Variants in ARHGAP32 observed in about 807,000 individuals in gnomAD.
ARHGAP32 encodes Rho GTPase activating protein 32.
Under a neutral mutation model 186.5 loss-of-function variants are expected in ARHGAP32, and 51 were observed. That is an observed-to-expected ratio of 0.27 (90% CI 0.22 to 0.35). The LOEUF (loss-of-function observed/expected upper bound fraction) is 0.35, where lower values mean the gene tolerates loss of function less well. ARHGAP32 is among the 10% of genes least tolerant of loss of function. The pLI is 1.00. For missense variants in ARHGAP32, 2,186 were observed against 2,623.5 expected (o/e 0.83, Z 3.64); for synonymous variants, 950 against 964.3 (o/e 0.99, Z 0.27).
At chr11:128,971,482 A>C in intron 22 of ARHGAP32, 1 of 259,660 alleles carries the variant, frequency 3.9e-6, no homozygotes, top group Non-Finnish European at 7.3e-6. Flanking sequence ...TGTAGAGCTT[A>C]AAAATACATA....
chr11:129,004,924 T>C (rs1354909968), intron 11 of ARHGAP32, among the ~76,000 whole-genome samples: 1 of 152,160 alleles, frequency 6.6e-6, no homozygotes, highest in Non-Finnish European at 1.5e-5. Context: ...TGTTTACTGG[T>C]AGTTTTGTGG....
At chr11:129,040,123 GT>G (rs199720926) in intron 11 of ARHGAP32, among the ~76,000 whole-genome samples, 14 of 149,286 alleles carry the variant, frequency 9.4e-5, no homozygotes, top group Admixed American at 2.0e-4. Flanking sequence ...AAGAATAACT[GT>G]TTTTTTTTTC....
At chr11:129,242,115 G>T (rs941523352) in intron 1 of ARHGAP32, among the ~76,000 whole-genome samples, 4 of 152,116 alleles carry the variant, frequency 2.6e-5, no homozygotes, top group African/African-American at 7.2e-5. Flanking sequence ...TTATTCTAAA[G>T]GAATGTTTAT....
intron 11 of ARHGAP32, among the ~76,000 whole-genome samples, chr11:129,002,151 T>C (rs1437244032): frequency 6.6e-6 from 1 of 152,224 alleles, no homozygotes; most frequent in Non-Finnish European, 1.5e-5. Context: ...GGTATTTTGA[T>C]AGGAATTGCA....
intron 10 of ARHGAP32, 74 bp downstream of exon 10, chr11:129,062,206 G>A (rs1374519606): frequency 1.5e-6 from 2 of 1,309,388 alleles, no homozygotes; most frequent in East Asian, 2.3e-5. Flanking sequence ...ACCAGCACAT[G>A]TAAACAAAAG....
At chr11:129,131,895 C>T (rs1942818418) in intron 2 of ARHGAP32, among the ~76,000 whole-genome samples, 2 of 152,132 alleles carry the variant, frequency 1.3e-5, no homozygotes. Context: ...CTGACAGCAG[C>T]CCAAATCAGG....
chr11:128,973,676 G>C (rs1286411957), intron 21 of ARHGAP32: 14 of 555,996 alleles, frequency 2.5e-5, no homozygotes, highest in South Asian at 2.0e-4. Context: ...GAGATGGGGG[G>C]GAAAAAAAGC....
At chr11:129,159,273 T>C (rs1164671954) in intron 2 of ARHGAP32, among the ~76,000 whole-genome samples, 3 of 152,032 alleles carry the variant, frequency 2.0e-5, no homozygotes, top group African/African-American at 7.2e-5. Context: ...AGCTAGTTTC[T>C]TGAAAAGATT....
chr11:129,120,404 T>G (rs1565431877), intron 5 of ARHGAP32, among the ~76,000 whole-genome samples: 1 of 152,048 alleles, frequency 6.6e-6, no homozygotes, highest in Non-Finnish European at 1.5e-5. Flanking sequence ...GGAAGTCAGT[T>G]GGATATACAA....
At chr11:129,098,874 A>G (rs1941811376) in intron 5 of ARHGAP32, among the ~76,000 whole-genome samples, 1 of 152,208 alleles carries the variant, frequency 6.6e-6, no homozygotes, top group African/African-American at 2.4e-5. Context: ...CTATGTTAAT[A>G]AATTTAAACT....
intron 1 of ARHGAP32, among the ~76,000 whole-genome samples, chr11:129,171,693 T>C (rs1472349066): frequency 6.6e-6 from 1 of 152,224 alleles, no homozygotes. Context: ...AATAGTTTTT[T>C]CTAATTCTGT....
chr11:129,147,196 G>A (rs1048726306), intron 2 of ARHGAP32, among the ~76,000 whole-genome samples: 1 of 151,978 alleles, frequency 6.6e-6, no homozygotes, highest in Non-Finnish European at 1.5e-5. Flanking sequence ...AAATTAATAA[G>A]AGTATAAAAT....
At chr11:128,985,159 T>C (rs1178176614) in intron 15 of ARHGAP32, among the ~76,000 whole-genome samples, 1 of 152,090 alleles carries the variant, frequency 6.6e-6, no homozygotes. Context: ...GCTGGGATTA[T>C]AGGCGCGTGC....
chr11:129,053,842 C>T (rs903911430), intron 10 of ARHGAP32, among the ~76,000 whole-genome samples: 2 of 152,094 alleles, frequency 1.3e-5, no homozygotes, highest in African/African-American at 4.8e-5. Context: ...CATTACTTAA[C>T]TGGAGAGTAA....
intron 5 of ARHGAP32, among the ~76,000 whole-genome samples, chr11:129,116,611 GA>G (rs761381999): frequency 7.9e-5 from 12 of 152,020 alleles, no homozygotes; most frequent in Non-Finnish European, 1.6e-4. Context: ...TTCTGTATAA[GA>G]TTTTTTTAAA....
At chr11:128,978,666 G>T in intron 19 of ARHGAP32, 104 bp downstream of exon 19, 4 of 1,205,090 alleles carry the variant, frequency 3.3e-6, no homozygotes, top group Non-Finnish European at 4.5e-6. Context: ...ACACAACTGT[G>T]AACACGTTAT....
At chr11:129,268,961 A>C (rs933998512) in intron 1 of ARHGAP32, among the ~76,000 whole-genome samples, 1 of 152,226 alleles carries the variant, frequency 6.6e-6, no homozygotes, top group Non-Finnish European at 1.5e-5. Flanking sequence ...AGTAGCTCAG[A>C]GAGAGGGGGG....
At chr11:129,224,043 C>T (rs1036650209) in intron 1 of ARHGAP32, among the ~76,000 whole-genome samples, 5 of 152,088 alleles carry the variant, frequency 3.3e-5, no homozygotes, top group South Asian at 2.1e-4. Flanking sequence ...ATGGTGATGA[C>T]GAAATAATGA....
intron 10 of ARHGAP32, among the ~76,000 whole-genome samples, chr11:129,044,839 G>A (rs1784020): frequency 0.14 from 21,196 of 151,074 alleles, 1,579 homozygotes; most frequent in Middle Eastern, 0.16. Flanking sequence ...ACCTCAAAGA[G>A]TTTATGTGAA....
Sources: gnomAD v4.1 joint callset for allele counts (sites outside exome capture counted in the v4.1 genomes callset) on GRCh38, gnomAD v4.1.1 for gene constraint, MANE v1.5 for transcripts, NCBI Gene and HGNC (gene_info 2026-07-23, HGNC 2026-07-21) for gene names.